COL9A1: variants seen among roughly 807,000 people sequenced by gnomAD.
COL9A1 encodes the protein collagen alpha-1(IX) chain.
A neutral mutation model predicts 142.6 loss-of-function variants in COL9A1; 104 were observed. The observed-to-expected ratio is 0.73, with a 90% CI of 0.62 to 0.86. COL9A1 has a LOEUF of 0.86. Ranked by LOEUF, COL9A1 falls within the 40% of genes least tolerant of loss-of-function variation. The probability of loss-of-function intolerance (pLI) is 0.00; values close to 1 mark genes in which losing one functional copy is unlikely to be tolerated. For synonymous variants in COL9A1, 466 were observed against 396.0 expected (o/e 1.18, Z -2.10); for missense variants, 1,210 against 1,176.6 (o/e 1.03, Z -0.42).
intron 15 of COL9A1, 69 bp from the exon 16 acceptor site, chr6:70,269,734 A>G (rs1772269547): frequency 1.0e-6 from 1 of 961,364 alleles, no homozygotes; most frequent in Admixed American, 1.7e-5. Flanking sequence ...TAATACTAGA[A>G]AGCTCATCAG....
At chr6:70,289,986 T>G (rs988987970) in intron 5 of COL9A1, among the ~76,000 whole-genome samples, 5 of 152,180 alleles carry the variant, frequency 3.3e-5, no homozygotes, top group Admixed American at 3.3e-4. Context: ...TTTCTCTGAA[T>G]CTAGTGAAAA....
chr6:70,265,247 T>G (rs1257850652), intron 18 of COL9A1, among the ~76,000 whole-genome samples: 1 of 152,088 alleles, frequency 6.6e-6, no homozygotes, highest in Non-Finnish European at 1.5e-5. Context: ...GCATCTGGAT[T>G]AACAGCTCCA....
intron 12 of COL9A1, among the ~76,000 whole-genome samples, chr6:70,273,213 G>A (rs112733062): frequency 1.3e-5 from 2 of 152,222 alleles, no homozygotes; most frequent in African/African-American, 4.8e-5. Flanking sequence ...TAATACATAG[G>A]TCAATTCAGG....
chr6:70,240,578 AATATATAT>A (rs57686729), intron 32 of COL9A1, 103 bp downstream of exon 32: 1 of 458,110 alleles, frequency 2.2e-6, no homozygotes, highest in Admixed American at 3.4e-5. Context: ...AGAAAATAAG[AATATATAT>A]ATATATATAC....
At chr6:70,219,551 C>CA (rs1768740421) in intron 37 of COL9A1, among the ~76,000 whole-genome samples, 1 of 152,172 alleles carries the variant, frequency 6.6e-6, no homozygotes, top group Non-Finnish European at 1.5e-5. Context: ...AGAAATTCCC[C>CA]CACTGTTTTT....
rs189777958 is a variant in COL9A1 at position 70,298,588 on chromosome 6, T to C, written c.299+1455A>G. Among the ~76,000 whole-genome samples, 378 of 152,276 alleles carry C rather than the reference T, an allele frequency of 2.5e-3. 2 individuals are homozygous for C. The highest frequency in any genetic ancestry group is 8.7e-3 in the African/African-American group (363 of 41,546). On this transcript the variant is annotated intron_variant, in intron 4 of 37. Coordinates refer to ENST00000357250, the MANE Select transcript of COL9A1 (RefSeq NM_001851.6). ...AATATAGCCTGGGTACATTATTTAGTGACAGCTCTAGACAACAACGAAGAT... is the reference window on the plus strand; with the variant it reads ...AATATAGCCTGGGTACATTATTTAGCGACAGCTCTAGACAACAACGAAGAT...
rs773380068 is a variant in COL9A1, at chr6:70,252,264, G to A, written c.1816C>T (p.Pro606Ser). ...GGAGAGGTAAAATGGTGTCTTACCG[G>A]TTTGCCTGAATTTCCCATCTGACCA... is the stretch of plus-strand genomic sequence containing the variant. ...KPGQMGNSGK[P>S]GQQGPPGEVG... The change falls in exon 27 of 38, where the codon CCG becomes TCG. Residue 606 changes from proline to serine, a missense_variant and splice_region_variant. Transcript: ENST00000357250. 30 of 1,614,018 alleles carry A rather than the reference G, an allele frequency of 1.9e-5. No individual in the cohort carries two copies. The highest frequency in any genetic ancestry group is 2.4e-5 in the Non-Finnish European group (28 of 1,179,974).
chr6:70,278,955 T>C (rs572082777), intron 10 of COL9A1, among the ~76,000 whole-genome samples: 1 of 152,318 alleles, frequency 6.6e-6, no homozygotes, highest in South Asian at 2.1e-4. Flanking sequence ...GGGGGACAGA[T>C]AAGTCCAGCT....
At chr6:70,275,349 AT>A (rs1350390945) in intron 10 of COL9A1, among the ~76,000 whole-genome samples, 2 of 152,132 alleles carry the variant, frequency 1.3e-5, no homozygotes, top group African/African-American at 4.8e-5. Context: ...ATCAAAGAAT[AT>A]TAATTCTTAA....
chr6:70,224,767 T>G (rs1769121027), intron 37 of COL9A1, among the ~76,000 whole-genome samples: 1 of 152,204 alleles, frequency 6.6e-6, no homozygotes, highest in Admixed American at 6.5e-5. Flanking sequence ...AGCCAGATTT[T>G]CCTTTCATTA....
At chr6:70,289,867 T>G (rs1036843107) in intron 5 of COL9A1, among the ~76,000 whole-genome samples, 8 of 152,196 alleles carry the variant, frequency 5.3e-5, no homozygotes, top group African/African-American at 1.4e-4. Context: ...CATGTTATAA[T>G]TCATGAAACT....
chr6:70,248,275 A>G (rs1319711365), intron 28 of COL9A1, among the ~76,000 whole-genome samples: 1 of 152,248 alleles, frequency 6.6e-6, no homozygotes, highest in Non-Finnish European at 1.5e-5. Context: ...CCTACATCGT[A>G]AAGGCAGGCG....
intron 6 of COL9A1, 175 bp from the exon 7 acceptor site, chr6:70,283,093 C>T: frequency 1.3e-6 from 2 of 1,543,002 alleles, no homozygotes; most frequent in Non-Finnish European, 1.7e-6. Context: ...GGCTCTGCAG[C>T]CTGGTTCCCC....
chr6:70,283,344 G>A (rs1773296453), intron 6 of COL9A1: 1 of 1,017,322 alleles, frequency 9.8e-7, no homozygotes, highest in Admixed American at 2.9e-5. Flanking sequence ...GACTGAGCAC[G>A]CAGCTCTGCC....
chr6:70,290,178 A>G (rs773103246), intron 5 of COL9A1, among the ~76,000 whole-genome samples: 56 of 152,158 alleles, frequency 3.7e-4, no homozygotes, highest in Non-Finnish European at 3.7e-4. Flanking sequence ...CTCCCAGCAT[A>G]TATCTCTGAA....
intron 21 of COL9A1, among the ~76,000 whole-genome samples, chr6:70,256,444 T>C (rs1281974257): frequency 2.0e-5 from 3 of 151,618 alleles, no homozygotes. Flanking sequence ...AAACAAAAAA[T>C]ATCAAATGGG....
chr6:70,230,995 A>T (rs987040869), intron 36 of COL9A1, among the ~76,000 whole-genome samples: 3 of 152,214 alleles, frequency 2.0e-5, no homozygotes, highest in Non-Finnish European at 4.4e-5. Context: ...TATAGGCCCT[A>T]TAAGTCATTC....
intron 5 of COL9A1, among the ~76,000 whole-genome samples, chr6:70,291,164 A>G (rs545586459): frequency 2.0e-5 from 3 of 152,280 alleles, no homozygotes; most frequent in South Asian, 4.1e-4. Context: ...ACTCATGGAC[A>G]CACAGGCTTT....
intron 7 of COL9A1, 131 bp downstream of exon 7, chr6:70,282,767 G>T: frequency 7.2e-7 from 1 of 1,386,426 alleles, no homozygotes; most frequent in Non-Finnish European, 1.0e-6. Context: ...AGGTGCTCGA[G>T]GCTGGAGGAA....
Sources: allele counts gnomAD v4.1 joint callset (sites outside exome capture counted in the v4.1 genomes callset), GRCh38; gene constraint gnomAD v4.1.1; transcripts MANE v1.5; gene names NCBI Gene and HGNC (gene_info 2026-07-23, HGNC 2026-07-21).